The following NPAS3 variants were observed in gnomAD, a reference collection of about 807,000 sequenced individuals.
NPAS3 encodes the protein neuronal PAS domain-containing protein 3.
NPAS3 carries 14 observed loss-of-function variants against 73.1 expected under a neutral mutation model. The ratio of observed to expected loss-of-function variants is 0.19; its 90% confidence interval spans 0.13 to 0.30. The LOEUF is 0.30. NPAS3 is among the 10% of genes least tolerant of loss of function. The pLI is 1.00. For synonymous variants in NPAS3, 620 were observed against 541.5 expected, an observed-to-expected ratio of 1.14 and a Z score of -2.01; for missense variants, 1,096 against 1,250.0, an observed-to-expected ratio of 0.88 and a Z score of 1.86.
At chr14:33,721,236 A>G (rs745883121) in intron 6 of NPAS3, among the ~76,000 whole-genome samples, 6 of 152,152 alleles carry the variant, frequency 3.9e-5, no homozygotes, top group Non-Finnish European at 8.8e-5. Flanking sequence ...AATTACTTAC[A>G]TACACACTGC....
At chr14:33,020,817 G>A (rs532309574) in intron 1 of NPAS3, among the ~76,000 whole-genome samples, 1 of 152,066 alleles carries the variant, frequency 6.6e-6, no homozygotes, top group Admixed American at 6.6e-5. Flanking sequence ...CTGGAGTGCG[G>A]TGGCGTGATC....
chr14:33,565,462 A>G (rs1023914752), intron 5 of NPAS3, among the ~76,000 whole-genome samples: 1 of 152,256 alleles, frequency 6.6e-6, no homozygotes, highest in South Asian at 2.1e-4. Context: ...TGGAGGTTAA[A>G]GATGCTTTGC....
At chr14:33,626,194 A>G (rs2058213622) in intron 5 of NPAS3, among the ~76,000 whole-genome samples, 2 of 152,192 alleles carry the variant, frequency 1.3e-5, no homozygotes, top group South Asian at 4.1e-4. Flanking sequence ...ATGAAAATGA[A>G]TACGAATCTA....
chr14:33,560,732 A>G (rs560374755), intron 5 of NPAS3, among the ~76,000 whole-genome samples: 2 of 152,218 alleles, frequency 1.3e-5, no homozygotes, highest in East Asian at 1.9e-4. Flanking sequence ...ATTTCATAAA[A>G]TAAGACAGCT....
chr14:33,062,422 CAT>C (rs1358653953), intron 2 of NPAS3, among the ~76,000 whole-genome samples: 1 of 152,186 alleles, frequency 6.6e-6, no homozygotes, highest in Admixed American at 6.5e-5. Flanking sequence ...TCTGCAAACT[CAT>C]TGCTTTTCCT....
At chr14:33,227,214 T>C (rs1163558575) in intron 3 of NPAS3, among the ~76,000 whole-genome samples, 1 of 152,172 alleles carries the variant, frequency 6.6e-6, no homozygotes, top group Non-Finnish European at 1.5e-5. Context: ...CTTCTATGGA[T>C]ACTGAGCTCC....
At chr14:33,552,672 G>GT (rs1041915868) in intron 4 of NPAS3, among the ~76,000 whole-genome samples, 7 of 150,484 alleles carry the variant, frequency 4.7e-5, no homozygotes, top group Middle Eastern at 6.8e-3. Context: ...TCTTTCAGTT[G>GT]TTTTTTTTAA....
intron 4 of NPAS3, among the ~76,000 whole-genome samples, chr14:33,529,559 TATCA>T (rs2053950018): frequency 6.6e-6 from 1 of 152,046 alleles, no homozygotes; most frequent in Non-Finnish European, 1.5e-5. Context: ...GTGGTGACAT[TATCA>T]ATCCATTTCC....
At chr14:33,442,180 T>C (rs2139286186) in intron 4 of NPAS3, among the ~76,000 whole-genome samples, 1 of 152,326 alleles carries the variant, frequency 6.6e-6, no homozygotes. Context: ...ATTATACTTG[T>C]ATTAACATGG....
chr14:33,661,566 A>G (rs1567100327), intron 5 of NPAS3, among the ~76,000 whole-genome samples: 1 of 152,206 alleles, frequency 6.6e-6, no homozygotes, highest in African/African-American at 2.4e-5. Flanking sequence ...TTATTTTTCT[A>G]CCACAATTGT....
At chr14:33,337,967 T>TG (rs949617288) in intron 3 of NPAS3, among the ~76,000 whole-genome samples, 1 of 151,314 alleles carries the variant, frequency 6.6e-6, no homozygotes, top group African/African-American at 2.4e-5. Flanking sequence ...CTAGGAATTT[T>TG]TTTTTGTAGA....
intron 2 of NPAS3, among the ~76,000 whole-genome samples, chr14:33,095,854 A>G (rs1325666046): frequency 6.6e-6 from 1 of 150,642 alleles, no homozygotes; most frequent in Non-Finnish European, 1.5e-5. Context: ...ATTTTTTTTT[A>G]GTAGAGACGG....
chr14:33,672,843 CT>C (rs1431166849), intron 5 of NPAS3, among the ~76,000 whole-genome samples: 1 of 152,170 alleles, frequency 6.6e-6, no homozygotes, highest in Non-Finnish European at 1.5e-5. Flanking sequence ...GACTGTAGGG[CT>C]TTTTCCCATT....
At chr14:33,592,967 C>T (rs546877388) in intron 5 of NPAS3, among the ~76,000 whole-genome samples, 14 of 152,064 alleles carry the variant, frequency 9.2e-5, no homozygotes, top group Non-Finnish European at 1.8e-4. Flanking sequence ...GTTTGTTTCT[C>T]ACCCTTTTGA....
At chr14:33,542,369 C>T (rs947493367) in intron 4 of NPAS3, among the ~76,000 whole-genome samples, 34 of 152,144 alleles carry the variant, frequency 2.2e-4, no homozygotes, top group African/African-American at 8.0e-4. Flanking sequence ...TCCTTTCCCA[C>T]CCCAGTTATC....
intron 1 of NPAS3, among the ~76,000 whole-genome samples, chr14:33,024,452 G>C (rs540228790): frequency 1.2e-4 from 18 of 152,204 alleles, no homozygotes; most frequent in Admixed American, 1.1e-3. Context: ...TTACAGGCGT[G>C]AGCCACCGCG....
At chr14:33,346,980 C>CATTTGGGTA (rs2044769076) in intron 3 of NPAS3, among the ~76,000 whole-genome samples, 1 of 152,188 alleles carries the variant, frequency 6.6e-6, no homozygotes, top group Admixed American at 6.5e-5. Flanking sequence ...CCCAAGGTTA[C>CATTTGGGTA]TCCATGTCCA....
chr14:33,156,184 C>G (rs1168557565), intron 2 of NPAS3, among the ~76,000 whole-genome samples: 3 of 152,150 alleles, frequency 2.0e-5, no homozygotes, highest in African/African-American at 7.2e-5. Flanking sequence ...GTAATATAGT[C>G]TCAAATGAAT....
intron 4 of NPAS3, among the ~76,000 whole-genome samples, chr14:33,498,642 G>C (rs949837873): frequency 9.9e-5 from 15 of 152,128 alleles, no homozygotes; most frequent in African/African-American, 3.4e-4. Context: ...GTTGAACAAT[G>C]GGAACACATG....
Sources: allele counts gnomAD v4.1 joint callset (sites outside exome capture counted in the v4.1 genomes callset), GRCh38; gene constraint gnomAD v4.1.1; transcripts MANE v1.5; gene names NCBI Gene and HGNC (gene_info 2026-07-23, HGNC 2026-07-21).